Variants in AKAP6 observed in about 807,000 individuals in gnomAD.
AKAP6 encodes the protein A-kinase anchor protein 6.
A neutral mutation model predicts 188.5 loss-of-function variants in AKAP6; 58 were observed. The ratio of observed to expected loss-of-function variants is 0.31; its 90% CI spans 0.25 to 0.38. The LOEUF is 0.38. Ranked by LOEUF, AKAP6 falls within the 10% of genes least tolerant of loss-of-function variation. AKAP6 has a pLI of 1.00. For missense variants in AKAP6, 2,710 were observed against 2,740.0 expected (o/e 0.99, Z 0.24); for synonymous variants, 989 against 998.6 (o/e 0.99, Z 0.18).
At chr14:32,437,658 G>A (rs915947986) in intron 2 of AKAP6, among the ~76,000 whole-genome samples, 1 of 151,910 alleles carries the variant, frequency 6.6e-6, no homozygotes, top group Admixed American at 6.6e-5. Flanking sequence ...GTGCAGTGGC[G>A]CAATCTGGGC....
intron 11 of AKAP6, among the ~76,000 whole-genome samples, chr14:32,756,654 G>A (rs1156646703): frequency 6.6e-6 from 1 of 152,140 alleles, no homozygotes; most frequent in African/African-American, 2.4e-5. Context: ...TGGCCTGGAG[G>A]CTATCTCTGC....
intron 1 of AKAP6, among the ~76,000 whole-genome samples, chr14:32,372,679 T>G (rs2383319): frequency 0.93 from 140,752 of 151,888 alleles, 65,567 homozygotes; most frequent in East Asian, 1. Context: ...AAAACACTAG[T>G]AGGAGGAATT....
In AKAP6 at chr14:32,600,739, A is replaced by G. The variant is rs768330457; in HGVS notation, c.2677A>G (p.Ile893Val). Residue 893 changes from isoleucine (I) to valine (V), a missense_variant, in exon 7 of 14, where the codon ATA becomes GTA. Physicochemically the swap from Ile to Val is conservative, Grantham distance 29. This residue lies in a region of AKAP6 where 2,473 missense variants were observed against 2,426.1 expected (regional missense o/e 1.02). Coordinates refer to ENST00000280979, the MANE Select transcript of AKAP6 (RefSeq NM_004274.5). Reference protein sequence around the residue: ...LRALDTIKAEILATDVSVEDE... With the variant: ...LRALDTIKAEVLATDVSVEDE... ...GGCTCTGGATACCATCAAAGCCGAG[A>G]TACTGGCTACTGATGTGTCTGTGGA... 1.2e-6 allele frequency: 2 copies of G among 1,613,500 alleles called. No homozygotes were observed. The highest frequency in any genetic ancestry group is 2.2e-5 in the South Asian group (2 of 91,002).
chr14:32,418,940 A>G (rs1889749403), intron 1 of AKAP6, among the ~76,000 whole-genome samples: 1 of 152,144 alleles, frequency 6.6e-6, no homozygotes, highest in Non-Finnish European at 1.5e-5. Context: ...GTAACAAATT[A>G]TTTATCTATG....
intron 1 of AKAP6, among the ~76,000 whole-genome samples, chr14:32,388,120 A>T (rs1462727822): frequency 2.0e-5 from 3 of 152,002 alleles, no homozygotes; most frequent in African/African-American, 7.2e-5. Context: ...TAGGTTTTCT[A>T]GTTTATGTGC....
Position 32,773,892 on chromosome 14 carries a change from C to T in AKAP6, c.3587C>T (p.Ser1196Phe). ...CTACAAAAGAAGATGGGAAAGGAAT[C>T]TGTGAGTGATGCTTTTTTTAAGCAT... is the stretch of plus-strand genomic sequence containing the variant. ...TRLQKKMGKE[S>F]ETLNVIDPGL... The change falls in exon 12 of 14, where the codon TCT (serine) becomes TTT (phenylalanine). Residue 1196 changes from serine to phenylalanine, a missense_variant and splice_region_variant. Physicochemically the swap from Ser to Phe is radical, Grantham distance 155. This residue lies in a region of AKAP6 where 2,473 missense variants were observed against 2,426.1 expected (regional missense o/e 1.02). Coordinates refer to ENST00000280979, the MANE Select transcript of AKAP6 (RefSeq NM_004274.5). The T allele has an allele frequency of 6.2e-7, 1 of 1,613,428 alleles. No homozygotes were observed. The highest frequency in any genetic ancestry group is 8.5e-7 in the Non-Finnish European group (1 of 1,179,446).
intron 2 of AKAP6, among the ~76,000 whole-genome samples, chr14:32,508,773 G>A (rs946168568): frequency 7.2e-5 from 11 of 151,828 alleles, no homozygotes; most frequent in African/African-American, 2.2e-4. Flanking sequence ...ATGAATAATA[G>A]GATTATTAGT....
At chr14:32,476,752 G>C (rs1879085299) in intron 2 of AKAP6, among the ~76,000 whole-genome samples, 1 of 152,166 alleles carries the variant, frequency 6.6e-6, no homozygotes, top group South Asian at 2.1e-4. Flanking sequence ...AGGGATTGCT[G>C]CAAGAGAAAG....
chr14:32,532,779 G>C (rs1369660865), intron 2 of AKAP6, among the ~76,000 whole-genome samples: 2 of 152,170 alleles, frequency 1.3e-5, no homozygotes, highest in African/African-American at 4.8e-5. Flanking sequence ...TATGAATCAG[G>C]AGTATGAGGG....
intron 1 of AKAP6, among the ~76,000 whole-genome samples, chr14:32,343,697 G>A (rs552554373): frequency 2.3e-5 from 3 of 131,428 alleles, no homozygotes; most frequent in Non-Finnish European, 3.1e-5. Context: ...GCAGTGAGCC[G>A]AGATTGTGCC....
intron 2 of AKAP6, among the ~76,000 whole-genome samples, chr14:32,450,620 G>A (rs1214479076): frequency 6.6e-6 from 1 of 152,128 alleles, no homozygotes; most frequent in Non-Finnish European, 1.5e-5. Flanking sequence ...CATACCTAAA[G>A]CTTTCTCAGG....
intron 2 of AKAP6, among the ~76,000 whole-genome samples, chr14:32,472,964 G>C (rs901381794): frequency 6.6e-6 from 1 of 152,206 alleles, no homozygotes; most frequent in Admixed American, 6.5e-5. Flanking sequence ...GTTACAAAGA[G>C]TGAAAATCTA....
At chr14:32,663,612 A>G (rs1888796772) in intron 7 of AKAP6, among the ~76,000 whole-genome samples, 2 of 152,130 alleles carry the variant, frequency 1.3e-5, no homozygotes, top group Admixed American at 1.3e-4. Context: ...TTCCAGGCAG[A>G]AGAAACAACG....
chr14:32,646,101 A>G (rs996607099), intron 7 of AKAP6, among the ~76,000 whole-genome samples: 1 of 152,060 alleles, frequency 6.6e-6, no homozygotes, highest in African/African-American at 2.4e-5. Context: ...AGATTTGTTA[A>G]AGTCATAGTT....
At chr14:32,510,380 G>GTATATATATATGTGTATATATATGTGTA (rs1881123379) in intron 2 of AKAP6, among the ~76,000 whole-genome samples, 1 of 95,396 alleles carries the variant, frequency 1.0e-5, no homozygotes, top group African/African-American at 3.9e-5. Flanking sequence ...ATATATATGT[G>GTATATATATATGTGTATATATATGTGTA]TATATATATA....
At chr14:32,526,061 T>C (rs1202753086) in intron 2 of AKAP6, among the ~76,000 whole-genome samples, 1 of 152,104 alleles carries the variant, frequency 6.6e-6, no homozygotes, top group Non-Finnish European at 1.5e-5. Flanking sequence ...ATGGTCATTC[T>C]TTTTTTATTA....
At chr14:32,464,510 A>G (rs938618260) in intron 2 of AKAP6, among the ~76,000 whole-genome samples, 5 of 152,236 alleles carry the variant, frequency 3.3e-5, no homozygotes, top group African/African-American at 1.2e-4. Flanking sequence ...GATTATCTCA[A>G]TAGATGCAGA....
At chr14:32,645,676 T>C (rs557656640) in intron 7 of AKAP6, among the ~76,000 whole-genome samples, 1 of 152,214 alleles carries the variant, frequency 6.6e-6, no homozygotes, top group Admixed American at 6.5e-5. Context: ...CAGGGCTGTG[T>C]TGAATTCAAG....
intron 2 of AKAP6, among the ~76,000 whole-genome samples, chr14:32,493,086 C>A (rs537177487): frequency 2.0e-5 from 3 of 152,232 alleles, no homozygotes; most frequent in African/African-American, 7.2e-5. Context: ...AGAGAAGGAA[C>A]TATGTTTGAA....
Sources: allele counts gnomAD v4.1 joint callset (sites outside exome capture counted in the v4.1 genomes callset), GRCh38; gene constraint gnomAD v4.1.1; regional missense constraint gnomAD v4.1.1; transcripts MANE v1.5; gene names NCBI Gene and HGNC (gene_info 2026-07-23, HGNC 2026-07-21).